The following SVOPL variants were observed in gnomAD, a reference collection of about 807,000 sequenced individuals.
SVOPL encodes SVOP like, also known as putative transporter SVOPL.
SVOPL carries 60 observed loss-of-function variants against 61.0 expected under a neutral mutation model. The ratio of observed to expected loss-of-function variants is 0.98; its 90% CI spans 0.80 to 1.22. The LOEUF (loss-of-function observed/expected upper bound fraction) is 1.22. Among genes scored for constraint, SVOPL ranks in the 50% most tolerant of loss-of-function variants. SVOPL has a pLI of 0.00. For missense variants in SVOPL, 662 were observed against 643.9 expected (o/e 1.03, Z -0.30); for synonymous variants, 279 against 250.0 (o/e 1.12, Z -1.09).
chr7:138,648,264 G>C (rs112740273), intron 8 of SVOPL, among the ~76,000 whole-genome samples: 6 of 152,226 alleles, frequency 3.9e-5, no homozygotes, highest in African/African-American at 1.4e-4. Context: ...CAGGCTAAGG[G>C]AGGTGAGGGC....
intron 8 of SVOPL, chr7:138,646,404 CT>C (rs1407959580): frequency 5.3e-6 from 1 of 187,264 alleles, no homozygotes; most frequent in African/African-American, 2.4e-5. Flanking sequence ...TCCATGTTGT[CT>C]AAGAGGTCTG....
At chr7:138,608,401 T>C (rs1798848078) in intron 14 of SVOPL, among the ~76,000 whole-genome samples, 1 of 152,188 alleles carries the variant, frequency 6.6e-6, no homozygotes. Context: ...GAGCTAGAAA[T>C]AGGCCAATTG....
At chr7:138,639,265 T>C (rs1221676002) in intron 9 of SVOPL, among the ~76,000 whole-genome samples, 1 of 150,828 alleles carries the variant, frequency 6.6e-6, no homozygotes, top group Non-Finnish European at 1.5e-5. Context: ...AAAAAATATA[T>C]AAATAAATAA....
intron 10 of SVOPL, among the ~76,000 whole-genome samples, chr7:138,628,833 A>G (rs984259625): frequency 2.6e-5 from 4 of 152,042 alleles, no homozygotes; most frequent in Admixed American, 2.0e-4. Flanking sequence ...TTTATCTGGT[A>G]TATGTTTTTG....
chr7:138,681,271 C>T (rs1222726203), intron 1 of SVOPL, among the ~76,000 whole-genome samples: 3 of 147,256 alleles, frequency 2.0e-5, no homozygotes, highest in Non-Finnish European at 4.5e-5. Context: ...AACCCAGGCA[C>T]TTTAGGTGAC....
At chr7:138,634,107 T>A (rs1800350270) in intron 9 of SVOPL, among the ~76,000 whole-genome samples, 1 of 152,214 alleles carries the variant, frequency 6.6e-6, no homozygotes, top group South Asian at 2.1e-4. Context: ...TCTCTGTACC[T>A]CCTGGTCTCC....
In SVOPL at chr7:138,654,715, C is replaced by T. The variant is rs550115322; in HGVS notation, c.534+1733G>A. Among the ~76,000 whole-genome samples the T allele has an allele frequency of 4.1e-4, 62 of 151,980 alleles. No individual in the cohort carries two copies. In the South Asian group the frequency reaches 0.011, roughly 28 times the overall value. On this transcript the variant is annotated intron_variant, in intron 7 of 15. Coordinates refer to ENST00000674285, the MANE Select transcript of SVOPL (RefSeq NM_001139456.2). ...AAAGGTTTTTTAAAATATTACTGCT[C>T]ACCAGGCAAGATGGCTCACACCTGT...
intron 1 of SVOPL, among the ~76,000 whole-genome samples, chr7:138,692,414 C>T (rs111669999): frequency 0.02 from 3,086 of 152,164 alleles, 108 homozygotes; most frequent in African/African-American, 0.07. Context: ...ATAGCCACTG[C>T]TCCCCAACAT....
rs1199524112 is a variant in SVOPL, at chr7:138,646,040, T to G, written c.661-1195A>C. 5 of 161,848 alleles carry G rather than the reference T, an allele frequency of 3.1e-5. No individual in the cohort carries two copies. In the South Asian group the frequency reaches 7.9e-4, roughly 26 times the overall value. 10.0% of individuals were successfully genotyped at this position (161,848 alleles called of 1,614,324 possible). On this transcript the variant is annotated intron_variant, in intron 8 of 15. Coordinates refer to ENST00000674285, the MANE Select transcript of SVOPL (RefSeq NM_001139456.2). ...CATGTTGGCCAGGCTGGTCTCGAAC[T>G]CCTGACCTAGTGATCCACCCACCTC...
At chr7:138,611,123 T>C (rs911850329) in intron 14 of SVOPL, among the ~76,000 whole-genome samples, 3 of 152,194 alleles carry the variant, frequency 2.0e-5, no homozygotes, top group Non-Finnish European at 4.4e-5. Flanking sequence ...ACGCCTGTAA[T>C]CCCAGCACTT....
intron 10 of SVOPL, among the ~76,000 whole-genome samples, chr7:138,629,127 A>ATGTGTGTGTGTGTG (rs71520009): frequency 8.6e-4 from 57 of 66,168 alleles, no homozygotes; most frequent in Middle Eastern, 8.8e-3. Flanking sequence ...TGTTTTATAT[A>ATGTGTGTGTGTGTG]TGTGTGTGTG....
chr7:138,636,020 GT>G (rs1800451950), intron 9 of SVOPL, among the ~76,000 whole-genome samples: 1 of 152,154 alleles, frequency 6.6e-6, no homozygotes, highest in Non-Finnish European at 1.5e-5. Context: ...CCAGATGCAA[GT>G]GATTCTCCTG....
intron 1 of SVOPL, among the ~76,000 whole-genome samples, chr7:138,682,982 A>G (rs865974853): frequency 6.7e-6 from 1 of 148,682 alleles, no homozygotes; most frequent in Admixed American, 6.7e-5. Context: ...AAAAAAAAAA[A>G]GAAAAAAAAA....
chr7:138,631,960 TCACACACACA>T (rs756332176), intron 9 of SVOPL, among the ~76,000 whole-genome samples: 4 of 147,066 alleles, frequency 2.7e-5, no homozygotes, highest in African/African-American at 7.6e-5. Context: ...TGCTCTGATA[TCACACACACA>T]CACACACACA....
chr7:138,684,934 CT>C (rs201231483), intron 1 of SVOPL, among the ~76,000 whole-genome samples: 155 of 140,034 alleles, frequency 1.1e-3, no homozygotes, highest in Middle Eastern at 3.7e-3. Context: ...TTTTTCTTTT[CT>C]TTTTTTTTTT....
At chr7:138,662,616 C>T (rs575542936) in intron 5 of SVOPL, 1 of 988,938 alleles carries the variant, frequency 1.0e-6, no homozygotes, top group Non-Finnish European at 1.2e-6. Context: ...CCCTTATTAA[C>T]TCATTAGAAG....
At chr7:138,633,753 G>T (rs187219269) in intron 9 of SVOPL, among the ~76,000 whole-genome samples, 8 of 152,152 alleles carry the variant, frequency 5.3e-5, no homozygotes, top group South Asian at 2.1e-4. Context: ...TATGGGGAAG[G>T]TTCAGCATAC....
chr7:138,640,930 C>T (rs972889090), intron 9 of SVOPL, among the ~76,000 whole-genome samples: 6 of 152,110 alleles, frequency 3.9e-5, no homozygotes, highest in Non-Finnish European at 8.8e-5. Flanking sequence ...GACTGGGTTA[C>T]AGTGGTTCAC....
intron 14 of SVOPL, among the ~76,000 whole-genome samples, chr7:138,604,175 G>C (rs995741117): frequency 1.3e-5 from 2 of 151,704 alleles, no homozygotes; most frequent in African/African-American, 4.8e-5. Context: ...TGTTGCTCAG[G>C]CTGGTCTCAG....
Sources: allele counts gnomAD v4.1 joint callset (sites outside exome capture counted in the v4.1 genomes callset), GRCh38; gene constraint gnomAD v4.1.1; transcripts MANE v1.5; gene names NCBI Gene and HGNC (gene_info 2026-07-23, HGNC 2026-07-21).